Variants in ST7L observed in about 807,000 individuals in gnomAD.
ST7L encodes the protein suppressor of tumorigenicity 7 protein-like.
Under a neutral mutation model 72.5 loss-of-function variants are expected in ST7L, and 57 were observed. That is an observed-to-expected ratio of 0.79 (90% CI 0.64 to 0.98). ST7L has a LOEUF of 0.98. Among genes scored for constraint, ST7L ranks in the 50% least tolerant of loss-of-function variants. ST7L has a pLI of 0.00. For missense variants in ST7L, 576 were observed against 672.2 expected, an observed-to-expected ratio of 0.86 and a Z score of 1.58; for synonymous variants, 221 against 240.9, an observed-to-expected ratio of 0.92 and a Z score of 0.77.
intron 11 of ST7L, among the ~76,000 whole-genome samples, chr1:112,558,304 C>T (rs181061993): frequency 9.3e-4 from 141 of 152,136 alleles, no homozygotes; most frequent in African/African-American, 3.1e-3. Flanking sequence ...TACAAACTAA[C>T]GGGACAACAG....
At chr1:112,578,976 C>T (rs1328132073) in intron 9 of ST7L, among the ~76,000 whole-genome samples, 1 of 152,148 alleles carries the variant, frequency 6.6e-6, no homozygotes, top group African/African-American at 2.4e-5. Context: ...CTAGTAGCAA[C>T]TTGTTTGACC....
In ST7L at chr1:112,524,354, A is replaced by AGTAT. The variant is rs1450728635; in HGVS notation, c.*1655_*1658dup. The AGTAT allele has an allele frequency of 3.9e-5, 6 of 152,524 alleles. No homozygotes were observed. The highest frequency in any genetic ancestry group is 6.6e-5 in the Admixed American group (1 of 15,262). The allele number at this position is 152,524 out of a possible 1,614,324, so 9.4% of individuals were successfully genotyped here. ...GGGGCGAAGGGAGGACGCCAGGGAG[A>AGTAT]GTATGTTTCTCATCCCTGGGAGGCA... is the stretch of plus-strand genomic sequence containing the variant. On this transcript the variant is annotated 3_prime_UTR_variant, in exon 15 of 15. Transcript: ENST00000358039.
chr1:112,607,922 C>T (rs1321451096), intron 3 of ST7L, among the ~76,000 whole-genome samples: 2 of 151,990 alleles, frequency 1.3e-5, no homozygotes, highest in East Asian at 1.9e-4. Flanking sequence ...ATTGGTTCCC[C>T]CCAGCATATA....
At position 112,549,417 on chromosome 1, in the gene ST7L, G is replaced by A. The variant is rs561250424; in HGVS notation, c.1489+1184C>T. On this transcript the variant is annotated intron_variant, in intron 13 of 14. Transcript: ENST00000358039. The stretch of plus-strand genomic sequence containing the variant: ...AATAAATAAATAAGTAAATAAAATT[G>A]GGTCTTCCAATCCATCAACATGGAA... 7.6e-4 allele frequency among the ~76,000 whole-genome samples: 115 copies of A among 151,956 alleles called. 2 individuals are homozygous for A. The South Asian group carries it at 0.023, about 30-fold the overall frequency.
chr1:112,520,304 T>C, downstream of ST7L: 2 of 1,614,164 alleles, frequency 1.2e-6, no homozygotes, highest in South Asian at 2.2e-5. Flanking sequence ...GCAGGCCGTG[T>C]CTGCAGCAAG....
chr1:112,617,664 CACT>C (rs2101097085), intron 1 of ST7L, among the ~76,000 whole-genome samples: 1 of 151,748 alleles, frequency 6.6e-6, no homozygotes, highest in Middle Eastern at 3.2e-3. Flanking sequence ...GTGATCTTGC[CACT>C]ACACTTCAGC....
chr1:112,608,148 G>A (rs1184181527), intron 3 of ST7L, among the ~76,000 whole-genome samples: 2 of 152,108 alleles, frequency 1.3e-5, no homozygotes, highest in East Asian at 3.9e-4. Context: ...AGCCTCCCAA[G>A]TAGCTGGAAC....
At chr1:112,605,167 G>A (rs367790967) in intron 3 of ST7L, among the ~76,000 whole-genome samples, 4 of 150,786 alleles carry the variant, frequency 2.7e-5, no homozygotes, top group African/African-American at 7.3e-5. Context: ...CAAGGCGGGT[G>A]GATCAAGAGA....
chr1:112,607,172 T>TA (rs1345914478), intron 3 of ST7L: 3 of 152,160 alleles, frequency 2.0e-5, no homozygotes, highest in Admixed American at 2.0e-4. Context: ...CTTTTTTTTT[T>TA]ACCTAGTAAG....
intron 3 of ST7L, among the ~76,000 whole-genome samples, chr1:112,608,648 C>T (rs1386805317): frequency 6.6e-6 from 1 of 152,000 alleles, no homozygotes; most frequent in Non-Finnish European, 1.5e-5. Context: ...ATATATTGAA[C>T]GCTGAGCTTC....
intron 14 of ST7L, among the ~76,000 whole-genome samples, chr1:112,533,844 C>A (rs1654773707): frequency 6.6e-6 from 1 of 151,904 alleles, no homozygotes; most frequent in South Asian, 2.1e-4. Context: ...TTTTACTTTT[C>A]ATTTTTATGA....
intron 13 of ST7L, among the ~76,000 whole-genome samples, chr1:112,544,592 C>T (rs561169471): frequency 2.6e-5 from 4 of 152,266 alleles, no homozygotes; most frequent in African/African-American, 7.2e-5. Context: ...AGAAACAAAC[C>T]CTGCTATTCA....
intron 11 of ST7L, among the ~76,000 whole-genome samples, chr1:112,564,254 C>T (rs1660606687): frequency 6.6e-6 from 1 of 152,160 alleles, no homozygotes; most frequent in Admixed American, 6.5e-5. Flanking sequence ...GGCATTGCTA[C>T]AAGAAAACTC....
intron 14 of ST7L, 116 bp downstream of exon 14, chr1:112,541,835 C>T: frequency 1.4e-6 from 2 of 1,469,234 alleles, no homozygotes; most frequent in Non-Finnish European, 1.8e-6. Flanking sequence ...CAAATCAATT[C>T]CTTTAATTTA....
At chr1:112,560,984 AC>A (rs1289687493) in intron 11 of ST7L, among the ~76,000 whole-genome samples, 13 of 151,198 alleles carry the variant, frequency 8.6e-5, no homozygotes, top group Non-Finnish European at 1.5e-4. Context: ...AAAAAAAAAA[AC>A]TTATTAACTG....
rs777969643 is a variant in ST7L at position 112,565,211 on chromosome 1, A to ATTTTTTTTTTT, written c.1246-9204_1246-9194dup. 5.5e-4 allele frequency among the ~76,000 whole-genome samples: 32 copies of ATTTTTTTTTTT among 57,954 alleles called. 2 individuals are homozygous for ATTTTTTTTTTT. The highest frequency in any genetic ancestry group is 1.1e-3 in the African/African-American group (13 of 11,650). The allele number at this position is 57,954 out of a possible 152,430, so 38.0% of individuals were successfully genotyped here. A position where few individuals can be genotyped will look rare whatever the true frequency, so the allele number is the denominator to read the frequency against. The stretch of plus-strand genomic sequence containing the variant: ...AGGCGCCCACCACCATGTTCGGCTA[A>ATTTTTTTTTTT]TTTTTTTTTTTTTTTTTTTTTTTTT... On this transcript the variant is annotated intron_variant, in intron 11 of 14. Coordinates refer to ENST00000358039, the MANE Select transcript of ST7L (RefSeq NM_017744.5).
At chr1:112,520,109 G>A (rs1435849415), downstream of ST7L, among the ~76,000 whole-genome samples, 1 of 152,066 alleles carries the variant, frequency 6.6e-6, no homozygotes, top group African/African-American at 2.4e-5. Context: ...TGGACTCAAG[G>A]ATTCCTTCTG....
chr1:112,580,141 A>G (rs1338726205), intron 9 of ST7L, among the ~76,000 whole-genome samples: 1 of 149,576 alleles, frequency 6.7e-6, no homozygotes, highest in Non-Finnish European at 1.5e-5. Flanking sequence ...ATGTGAATAA[A>G]CGACCTTTTT....
chr1:112,562,506 A>T (rs1368992235), intron 11 of ST7L, among the ~76,000 whole-genome samples: 3 of 152,208 alleles, frequency 2.0e-5, no homozygotes, highest in African/African-American at 4.8e-5. Flanking sequence ...GAAAGCCGTT[A>T]TCTCTTCTTG....
Sources: gnomAD v4.1 joint callset for allele counts (sites outside exome capture counted in the v4.1 genomes callset) on GRCh38, gnomAD v4.1.1 for gene constraint, MANE v1.5 for transcripts, NCBI Gene and HGNC (gene_info 2026-07-23, HGNC 2026-07-21) for gene names.